Variants in IL19 observed in about 807,000 individuals in gnomAD.
IL19 encodes the protein interleukin-19.
In IL19, 15 loss-of-function variants were observed where a neutral mutation model predicts 19.5. The ratio of observed to expected loss-of-function variants is 0.77; its 90% confidence interval spans 0.52 to 1.19. The LOEUF (loss-of-function observed/expected upper bound fraction) is 1.19. Among genes scored for constraint, IL19 ranks in the 50% most tolerant of loss-of-function variants. The probability of loss-of-function intolerance (pLI) is 0.00; values close to 1 mark genes in which losing one functional copy is unlikely to be tolerated. For missense variants in IL19, 199 were observed against 213.1 expected, an observed-to-expected ratio of 0.93 and a Z score of 0.41; for synonymous variants, 78 against 78.3, an observed-to-expected ratio of 1.00 and a Z score of 0.02.
intron 1 of IL19, among the ~76,000 whole-genome samples, chr1:206,783,625 G>C (rs1450086698): frequency 6.6e-6 from 1 of 152,214 alleles, no homozygotes; most frequent in Non-Finnish European, 1.5e-5. Context: ...GGCTGGAAGT[G>C]CCTTCCCCAC....
At chr1:206,772,165 G>A (rs1674868827) in intron 1 of IL19, 10 of 957,670 alleles carry the variant, frequency 1.0e-5, no homozygotes, top group South Asian at 8.1e-5. Context: ...AATAGGTGTT[G>A]GGGATGGAGG....
intron 1 of IL19, among the ~76,000 whole-genome samples, chr1:206,790,043 G>T (rs1174455147): frequency 6.6e-6 from 1 of 152,130 alleles, no homozygotes; most frequent in African/African-American, 2.4e-5. Flanking sequence ...TTTCCTTTAA[G>T]TAGATACCCA....
chr1:206,840,200 C>A lies in IL19; in HGVS notation c.363+198C>A, dbSNP rs773624551. The A allele has an allele frequency of 2.8e-5, 20 of 709,772 alleles. No homozygotes were observed. The Middle Eastern group carries it at 3.0e-3, about 105-fold the overall frequency. 44.0% of individuals were successfully genotyped at this position (709,772 alleles called of 1,614,324 possible). A position where few individuals can be genotyped will look rare whatever the true frequency, so the allele number is the denominator to read the frequency against. On this transcript the variant is annotated intron_variant, in intron 5 of 6. Coordinates refer to ENST00000659997, the MANE Select transcript of IL19 (RefSeq NM_153758.5). ...AGGGCTCCCTGCCTGCTGACAACTC[C>A]TCAGATGGTCTCCTCCTAGATAACC...
intron 1 of IL19, among the ~76,000 whole-genome samples, chr1:206,789,681 T>A (rs1055431561): frequency 4.6e-5 from 7 of 152,180 alleles, no homozygotes; most frequent in Non-Finnish European, 1.0e-4. Flanking sequence ...TAATAACTAA[T>A]GGGTATTAAG....
intron 3 of IL19, 55 bp from the exon 4 acceptor site, chr1:206,836,903 C>T: frequency 6.2e-7 from 1 of 1,602,822 alleles, no homozygotes; most frequent in African/African-American, 1.3e-5. Context: ...TTTTGCATCT[C>T]AGAAGAACAT....
In IL19 at chr1:206,797,690, C is replaced by G. The variant is rs573768551; in HGVS notation, c.-148-1171C>G. Among the ~76,000 whole-genome samples, 4 of 152,226 alleles carry G rather than the reference C, an allele frequency of 2.6e-5. No homozygotes were observed. The South Asian group carries it at 8.3e-4, about 32-fold the overall frequency. ...AGACCTACTCTTATCACTCACAAACCCTAGAGGTTCCGTGGCCAAAGGAGG... is the reference window on the plus strand; with the variant it reads ...AGACCTACTCTTATCACTCACAAACGCTAGAGGTTCCGTGGCCAAAGGAGG... On this transcript the variant is annotated intron_variant, in intron 1 of 6. Transcript: ENST00000659997.
rs937619899 is a variant in IL19, at chr1:206,771,142, G to A, written c.-149+64G>A. On this transcript the variant is annotated intron_variant, in intron 1 of 6. Coordinates refer to ENST00000659997, the MANE Select transcript of IL19 (RefSeq NM_153758.5). ...CTGCTGCAACTAGCTTAAGAGGACA[G>A]CTTGGTTCTAGCGATCCTCCTTCAC... The A allele has an allele frequency of 2.7e-6, 4 of 1,479,160 alleles. No individual in the cohort carries two copies. In the African/African-American group the frequency reaches 5.5e-5, roughly 20 times the overall value. The allele number at this position is 1,479,160 out of a possible 1,614,324, so 91.6% of individuals were successfully genotyped here.
chr1:206,821,593 C>G (rs1220752391), intron 2 of IL19, among the ~76,000 whole-genome samples: 1 of 152,234 alleles, frequency 6.6e-6, no homozygotes, highest in Non-Finnish European at 1.5e-5. Flanking sequence ...ACAGAGTCTG[C>G]ATGTGTTTTT....
At chr1:206,778,418 C>T (rs1193938729) in intron 1 of IL19, among the ~76,000 whole-genome samples, 1 of 152,136 alleles carries the variant, frequency 6.6e-6, no homozygotes, top group African/African-American at 2.4e-5. Flanking sequence ...AACTAGTGGG[C>T]TCCTGAGTGT....
chr1:206,828,405 C>T (rs555799781), intron 2 of IL19, among the ~76,000 whole-genome samples: 2 of 152,334 alleles, frequency 1.3e-5, no homozygotes, highest in Admixed American at 6.5e-5. Flanking sequence ...AGGGGTTCCT[C>T]CTCCTGCTTT....
rs757767065 is a variant in IL19, at chr1:206,842,660, C to T, written c.*38C>T. ...TGTATAGTGATCCAGGGATGAACAC[C>T]CCCTGTGCGGTTTACTGTGGGAGAC... On this transcript the variant is annotated 3_prime_UTR_variant, in exon 7 of 7. Transcript: ENST00000659997. 3.0e-5 allele frequency: 38 copies of T among 1,278,272 alleles called. No homozygotes were observed. Among genetic ancestry groups the T allele is most frequent in the African/African-American group, 1.5e-5 (1 of 67,574 alleles). 79.2% of individuals were successfully genotyped at this position (1,278,272 alleles called of 1,614,324 possible).
intron 1 of IL19, chr1:206,771,491 C>A: frequency 1.6e-6 from 2 of 1,215,612 alleles, no homozygotes; most frequent in South Asian, 2.7e-5. Flanking sequence ...GATGCCCTTT[C>A]ATTTAGAGAT....
chr1:206,842,297 A>G (rs1375690199), intron 6 of IL19, among the ~76,000 whole-genome samples: 3 of 152,206 alleles, frequency 2.0e-5, no homozygotes, highest in Admixed American at 6.5e-5. Flanking sequence ...GAAGAATTTT[A>G]AAGTTCTGTT....
At chr1:206,796,109 A>G (rs1174734772) in intron 1 of IL19, among the ~76,000 whole-genome samples, 1 of 152,086 alleles carries the variant, frequency 6.6e-6, no homozygotes. Context: ...ATTCTAGTTC[A>G]GGTCTGAAGG....
rs567449876 is a variant in IL19, at chr1:206,842,778, A to G, written c.*156A>G. The G allele has an allele frequency of 4.2e-5, 23 of 549,344 alleles. No homozygotes were observed. Among genetic ancestry groups the G allele is most frequent in the Admixed American group, 3.9e-4 (12 of 30,450 alleles). 34.0% of individuals were successfully genotyped at this position (549,344 alleles called of 1,614,324 possible). On this transcript the variant is annotated 3_prime_UTR_variant, in exon 7 of 7. Transcript: ENST00000659997. Reference sequence around the variant, plus strand: ...AGGCTGTCTTATTCCGCTTGAAAATAGCCAAAAAGTCTACTGTGGTATTTG... The same window carrying G: ...AGGCTGTCTTATTCCGCTTGAAAATGGCCAAAAAGTCTACTGTGGTATTTG...
intron 1 of IL19, among the ~76,000 whole-genome samples, chr1:206,790,414 G>A (rs978656974): frequency 5.9e-5 from 9 of 151,974 alleles, no homozygotes; most frequent in Admixed American, 5.2e-4. Flanking sequence ...TTCCTTCCCC[G>A]TCTACTGCAG....
intron 2 of IL19, among the ~76,000 whole-genome samples, chr1:206,824,399 T>C (rs1401539030): frequency 6.6e-6 from 1 of 152,214 alleles, no homozygotes; most frequent in Non-Finnish European, 1.5e-5. Context: ...GATGGACAGA[T>C]GCTGTTTGTG....
At chr1:206,780,606 T>C (rs1036712382) in intron 1 of IL19, among the ~76,000 whole-genome samples, 2 of 152,208 alleles carry the variant, frequency 1.3e-5, no homozygotes, top group African/African-American at 4.8e-5. Flanking sequence ...TAAAATTCTA[T>C]ATGGACGTCA....
intron 2 of IL19, among the ~76,000 whole-genome samples, chr1:206,820,524 C>T (rs1433021948): frequency 1.3e-5 from 2 of 152,218 alleles, no homozygotes; most frequent in Admixed American, 1.3e-4. Flanking sequence ...AGTGTTGATG[C>T]TTGTCATTTC....
Sources: allele counts gnomAD v4.1 joint callset (sites outside exome capture counted in the v4.1 genomes callset), GRCh38; gene constraint gnomAD v4.1.1; transcripts MANE v1.5; gene names NCBI Gene and HGNC (gene_info 2026-07-23, HGNC 2026-07-21).